The following IKBKB variants were observed in gnomAD, a reference collection of about 807,000 sequenced individuals.
IKBKB encodes inhibitor of nuclear factor kappa B kinase subunit beta.
Under a neutral mutation model 113.6 loss-of-function variants are expected in IKBKB, and 42 were observed. That is an observed-to-expected ratio of 0.37 (90% confidence interval 0.29 to 0.48). IKBKB has a LOEUF of 0.48. IKBKB is among the 20% of genes least tolerant of loss of function. IKBKB has a pLI of 0.99. For synonymous variants in IKBKB, 296 were observed against 361.3 expected, an observed-to-expected ratio of 0.82 and a Z score of 2.05; for missense variants, 673 against 939.7, an observed-to-expected ratio of 0.72 and a Z score of 3.71.
At chr8:42,329,937 G>A (rs904249194) in intron 21 of IKBKB, 31 of 985,328 alleles carry the variant, frequency 3.1e-5, no homozygotes, top group Non-Finnish European at 3.7e-5. Flanking sequence ...AATTACAAGG[G>A]ATACCACTGT....
chr8:42,307,737 G>A (rs774113277), intron 7 of IKBKB, among the ~76,000 whole-genome samples: 2 of 152,100 alleles, frequency 1.3e-5, no homozygotes, highest in Admixed American at 1.3e-4. Flanking sequence ...GTCGAGCAAG[G>A]GGGACCCCAT....
chr8:42,271,390 A>G lies in IKBKB; in HGVS notation c.-98A>G. 2.0e-6 allele frequency: 3 copies of G among 1,514,964 alleles called. No individual in the cohort carries two copies. The highest frequency in any genetic ancestry group is 2.7e-6 in the Non-Finnish European group (3 of 1,129,238). The allele number at this position is 1,514,964 out of a possible 1,614,324, so 93.8% of individuals were successfully genotyped here. A position where few individuals can be genotyped will look rare whatever the true frequency, so the allele number is the denominator to read the frequency against. On this transcript the variant is annotated 5_prime_UTR_variant, in exon 1 of 22. Transcript: ENST00000520810. ...ATTTTAATGTTTTCAGGGGGGTGTC[A>G]TAGCCCCGGGTTTGGCCGCCCCAGC...
rs199779435 is a variant in IKBKB at position 42,321,939 on chromosome 8, C to A, written c.1732C>A (p.Pro578Thr). ...RELYRRLREK[P>T]RDQRTEGDSQ... ...GCTGTACAGGAGACTAAGGGAAAAA[C>A]CTCGAGGTAAGTGGGGTTCTGTGTC... Residue 578 changes from proline to threonine, a missense_variant, in exon 17 of 22, where the codon CCT (proline) becomes ACT (threonine). Coordinates refer to ENST00000520810, the MANE Select transcript of IKBKB (RefSeq NM_001556.3). The A allele has an allele frequency of 1.9e-6, 3 of 1,613,292 alleles. No homozygotes were observed. The highest frequency in any genetic ancestry group is 2.5e-6 in the Non-Finnish European group (3 of 1,179,466).
In IKBKB at chr8:42,303,092, TGAGAGAGAGA is replaced by T. The variant is rs763171765; in HGVS notation, c.389-2078_389-2069del. 1.1e-3 allele frequency among the ~76,000 whole-genome samples: 78 copies of T among 70,166 alleles called. No individual in the cohort carries two copies. In the Middle Eastern group the frequency reaches 0.026, roughly 23 times the overall value. 46.0% of individuals were successfully genotyped at this position (70,166 alleles called of 152,430 possible). A position where few individuals can be genotyped will look rare whatever the true frequency, so the allele number is the denominator to read the frequency against. On this transcript the variant is annotated intron_variant, in intron 5 of 21. Transcript: ENST00000520810. Reference sequence around the variant, plus strand: ...GAGAGAGAGAGAGAGAGAGAGAGAATGAGAGAGAGAGAGAGAGAGAGAGAGAATGAGAGAG... The same window carrying T: ...GAGAGAGAGAGAGAGAGAGAGAGAATGAGAGAGAGAGAGAGAATGAGAGAG...
chr8:42,311,698 C>CCTCAG (rs1817735032), intron 8 of IKBKB, among the ~76,000 whole-genome samples: 1 of 152,122 alleles, frequency 6.6e-6, no homozygotes, highest in Non-Finnish European at 1.5e-5. Flanking sequence ...GAGGTGTCTG[C>CCTCAG]CCTGAGTTTT....
rs564988510 is a variant in IKBKB at position 42,305,315 on chromosome 8, G to T, written c.477+40G>T. 4 of 1,259,194 alleles carry T rather than the reference G, an allele frequency of 3.2e-6. No individual in the cohort carries two copies. The African/African-American group carries it at 4.4e-5, about 14-fold the overall frequency. The allele number at this position is 1,259,194 out of a possible 1,614,324, so 78.0% of individuals were successfully genotyped here. Reference sequence around the variant, plus strand: ...GGGACTGGGAAAGCCTCAGGTGGGCGTGCCGGGAAGTGGCCTGGGAGGAAA... The same window carrying T: ...GGGACTGGGAAAGCCTCAGGTGGGCTTGCCGGGAAGTGGCCTGGGAGGAAA... On this transcript the variant is annotated intron_variant, in intron 6 of 21. Coordinates refer to ENST00000520810, the MANE Select transcript of IKBKB (RefSeq NM_001556.3).
At chr8:42,322,188 A>G (rs1166895356) in intron 18 of IKBKB, 35 bp downstream of exon 18, 1 of 1,575,904 alleles carries the variant, frequency 6.3e-7, no homozygotes, top group African/African-American at 1.4e-5. Flanking sequence ...TGGAGGAAGG[A>G]CTGGGAGATG....
chr8:42,308,853 T>C, intron 7 of IKBKB, 48 bp from the exon 8 acceptor site: 2 of 1,594,528 alleles, frequency 1.3e-6, no homozygotes, highest in East Asian at 2.2e-5. Flanking sequence ...CCTGCCGTGG[T>C]CCCCCCAGAG....
chr8:42,275,176 ATT>A (rs1373466125), intron 2 of IKBKB, among the ~76,000 whole-genome samples: 1 of 140,178 alleles, frequency 7.1e-6, no homozygotes, highest in African/African-American at 2.6e-5. Flanking sequence ...TGTGCCTGGC[ATT>A]TTTTTTTTTT....
intron 2 of IKBKB, among the ~76,000 whole-genome samples, chr8:42,287,904 T>G (rs781427045): frequency 2.0e-5 from 3 of 152,194 alleles, no homozygotes; most frequent in Non-Finnish European, 4.4e-5. Flanking sequence ...TTGAACCACA[T>G]GCAGGTGCCA....
chr8:42,324,105 G>T (rs1453244961), intron 19 of IKBKB, among the ~76,000 whole-genome samples: 3 of 152,194 alleles, frequency 2.0e-5, no homozygotes, highest in African/African-American at 7.2e-5. Flanking sequence ...TCCAGCTGAA[G>T]AGTGAGGATG....
chr8:42,302,737 A>G (rs760699170), intron 5 of IKBKB, among the ~76,000 whole-genome samples: 17 of 150,650 alleles, frequency 1.1e-4, no homozygotes, highest in Non-Finnish European at 1.9e-4. Context: ...GCTTGGGTTC[A>G]TTAGGAATAT....
At chr8:42,306,793 G>T (rs1453045014) in intron 7 of IKBKB, among the ~76,000 whole-genome samples, 1 of 152,224 alleles carries the variant, frequency 6.6e-6, no homozygotes, top group Non-Finnish European at 1.5e-5. Context: ...ACAGGCAGGA[G>T]CCACTGAGCC....
chr8:42,320,875 C>A lies in IKBKB; in HGVS notation c.1688+31C>A, dbSNP rs1819644835. 2.1e-6 allele frequency: 3 copies of A among 1,408,104 alleles called. No individual in the cohort carries two copies. In the East Asian group the frequency reaches 7.1e-5, roughly 34 times the overall value. 87.2% of individuals were successfully genotyped at this position (1,408,104 alleles called of 1,614,324 possible). On this transcript the variant is annotated intron_variant, in intron 16 of 21. Transcript: ENST00000520810. ...TACTGGCTGGGGGGCCCCTCTGTGC[C>A]CAGCACACACAGACAGCCCTGGAGC...
At chr8:42,288,594 G>C (rs1346492012) in intron 2 of IKBKB, 40 bp from the exon 3 acceptor site, 1 of 1,532,610 alleles carries the variant, frequency 6.5e-7, no homozygotes, top group Non-Finnish European at 8.9e-7. Flanking sequence ...GATTTGGCCT[G>C]CAGCTCGCTC....
chr8:42,283,782 G>A (rs1810828439), intron 2 of IKBKB, among the ~76,000 whole-genome samples: 1 of 152,176 alleles, frequency 6.6e-6, no homozygotes, highest in East Asian at 1.9e-4. Flanking sequence ...GAAAACAAGT[G>A]CCCTCTTCTG....
intron 8 of IKBKB, 71 bp from the exon 9 acceptor site, chr8:42,314,251 T>C: frequency 9.2e-7 from 1 of 1,090,400 alleles, no homozygotes; most frequent in Non-Finnish European, 1.4e-6. Context: ...AATCACCTAA[T>C]GACGAATTTC....
intron 19 of IKBKB, among the ~76,000 whole-genome samples, chr8:42,323,189 C>T (rs905970774): frequency 6.6e-6 from 1 of 152,240 alleles, no homozygotes; most frequent in Admixed American, 6.5e-5. Flanking sequence ...ATCTCAGGTT[C>T]TCTAAAGACG....
In IKBKB at chr8:42,329,967, T is replaced by G; in HGVS notation, c.2205+753T>G. The G allele has an allele frequency of 3.0e-6, 3 of 985,454 alleles. No homozygotes were observed. The South Asian group carries it at 1.4e-4, about 46-fold the overall frequency. 61.0% of individuals were successfully genotyped at this position (985,454 alleles called of 1,614,324 possible). A position where few individuals can be genotyped will look rare whatever the true frequency, so the allele number is the denominator to read the frequency against. ...CACTGTGAATTGCAGCCTTTGCTGA[T>G]GTAGTCGCATGTCCTCCTCCAGTCT... is the stretch of plus-strand genomic sequence containing the variant. On this transcript the variant is annotated intron_variant, in intron 21 of 21. Coordinates refer to ENST00000520810, the MANE Select transcript of IKBKB (RefSeq NM_001556.3).
Sources: gnomAD v4.1 joint callset for allele counts (sites outside exome capture counted in the v4.1 genomes callset) on GRCh38, gnomAD v4.1.1 for gene constraint, MANE v1.5 for transcripts, NCBI Gene and HGNC (gene_info 2026-07-23, HGNC 2026-07-21) for gene names.